NKAIN2: variants seen among roughly 807,000 people sequenced by gnomAD.
NKAIN2 encodes the protein sodium/potassium-transporting ATPase subunit beta-1-interacting protein 2.
NKAIN2 carries 14 observed loss-of-function variants against 32.6 expected under a neutral mutation model. That is an observed-to-expected ratio of 0.43 (90% confidence interval 0.28 to 0.67). The LOEUF (loss-of-function observed/expected upper bound fraction) is 0.67. Among genes scored for constraint, NKAIN2 ranks in the 30% least tolerant of loss-of-function variants. The pLI, the probability that NKAIN2 is intolerant of heterozygous loss-of-function variation, is 0.17. For synonymous variants in NKAIN2, 80 were observed against 87.2 expected, an observed-to-expected ratio of 0.92 and a Z score of 0.46; for missense variants, 198 against 258.3, an observed-to-expected ratio of 0.77 and a Z score of 1.60.
intron 5 of NKAIN2, among the ~76,000 whole-genome samples, chr6:124,798,799 T>C (rs1013502196): frequency 1.3e-5 from 2 of 152,148 alleles, no homozygotes; most frequent in African/African-American, 4.8e-5. Flanking sequence ...AGCTCATTCA[T>C]GACCTTCCGA....
At chr6:123,978,226 T>G (rs1778730039) in intron 1 of NKAIN2, among the ~76,000 whole-genome samples, 1 of 152,138 alleles carries the variant, frequency 6.6e-6, no homozygotes, top group African/African-American at 2.4e-5. Flanking sequence ...CATGTTACAT[T>G]CAGATAAAAA....
At chr6:124,746,481 AAAT>A (rs1277122508) in intron 4 of NKAIN2, among the ~76,000 whole-genome samples, 1 of 151,876 alleles carries the variant, frequency 6.6e-6, no homozygotes, top group African/African-American at 2.4e-5. Context: ...TCAGTTATTA[AAAT>A]AATAGCAGGA....
intron 3 of NKAIN2, among the ~76,000 whole-genome samples, chr6:124,548,923 G>A (rs950446279): frequency 6.6e-6 from 1 of 152,188 alleles, no homozygotes; most frequent in Non-Finnish European, 1.5e-5. Flanking sequence ...AACTGAAACT[G>A]ATTGGTGACA....
chr6:124,426,836 G>T (rs529377604), intron 3 of NKAIN2, among the ~76,000 whole-genome samples: 8 of 152,216 alleles, frequency 5.3e-5, no homozygotes, highest in African/African-American at 1.9e-4. Flanking sequence ...TAAGTCTCAC[G>T]AGATCTGATG....
intron 1 of NKAIN2, among the ~76,000 whole-genome samples, chr6:123,823,740 T>A (rs1774021914): frequency 6.6e-6 from 1 of 151,974 alleles, no homozygotes; most frequent in Non-Finnish European, 1.5e-5. Context: ...TGGAGAAGGA[T>A]CAGGTAGTGC....
At chr6:124,750,617 C>A (rs1260878319) in intron 4 of NKAIN2, among the ~76,000 whole-genome samples, 1 of 151,636 alleles carries the variant, frequency 6.6e-6, no homozygotes, top group Non-Finnish European at 1.5e-5. Flanking sequence ...TTAAATATAC[C>A]AGTTGTGTAA....
chr6:124,623,238 A>G (rs1388381949), intron 3 of NKAIN2, among the ~76,000 whole-genome samples: 3 of 152,178 alleles, frequency 2.0e-5, no homozygotes, highest in Non-Finnish European at 4.4e-5. Flanking sequence ...TATCTTAAAT[A>G]TATTTTAAGT....
In NKAIN2 at chr6:123,897,846, G is replaced by A. The variant is rs1213979095; in HGVS notation, c.54+93592G>A. On this transcript the variant is annotated intron_variant, in intron 1 of 6. Transcript: ENST00000368417. ...CTGGCTGTACTACACTGAGCTGGTC[G>A]GGTTTCTGTGACATATCTACCTGGG... 2.6e-5 allele frequency among the ~76,000 whole-genome samples: 4 copies of A among 152,188 alleles called. No individual in the cohort carries two copies. The South Asian group carries it at 8.3e-4, about 32-fold the overall frequency.
intron 2 of NKAIN2, among the ~76,000 whole-genome samples, chr6:124,344,561 TGGA>T (rs1798305761): frequency 6.6e-6 from 1 of 151,750 alleles, no homozygotes; most frequent in Non-Finnish European, 1.5e-5. Context: ...CCTTGTAAGT[TGGA>T]TTCCTAAGTA....
At chr6:124,768,482 G>T (rs1583827469) in intron 4 of NKAIN2, among the ~76,000 whole-genome samples, 1 of 152,194 alleles carries the variant, frequency 6.6e-6, no homozygotes, top group East Asian at 1.9e-4. Context: ...ATATCCTTCT[G>T]CTATTTGAGA....
chr6:124,404,286 G>T (rs114483414), intron 3 of NKAIN2, among the ~76,000 whole-genome samples: 1 of 152,024 alleles, frequency 6.6e-6, no homozygotes, highest in Non-Finnish European at 1.5e-5. Context: ...AGGGGGAGTC[G>T]TCTCAGGTCC....
intron 1 of NKAIN2, among the ~76,000 whole-genome samples, chr6:124,144,241 A>AT (rs1187230846): frequency 3.3e-5 from 5 of 152,156 alleles, no homozygotes. Flanking sequence ...AAGAAGGGAG[A>AT]TTTTGTCCTA....
intron 2 of NKAIN2, among the ~76,000 whole-genome samples, chr6:124,344,736 A>C (rs981212955): frequency 7.9e-5 from 12 of 152,270 alleles, no homozygotes; most frequent in African/African-American, 2.9e-4. Context: ...TTTTGGGCTG[A>C]GACAATGGGG....
At chr6:124,322,820 G>C (rs763908452) in intron 2 of NKAIN2, among the ~76,000 whole-genome samples, 15 of 152,122 alleles carry the variant, frequency 9.9e-5, no homozygotes, top group Non-Finnish European at 2.1e-4. Flanking sequence ...GCTTTTCTTT[G>C]AGTTGTGTTA....
At chr6:124,440,036 G>A (rs1186161250) in intron 3 of NKAIN2, among the ~76,000 whole-genome samples, 1 of 152,056 alleles carries the variant, frequency 6.6e-6, no homozygotes, top group East Asian at 1.9e-4. Context: ...CTCAGGCTGG[G>A]ATGGCCCTTC....
chr6:124,081,013 T>C (rs1783945543), intron 1 of NKAIN2, among the ~76,000 whole-genome samples: 1 of 152,170 alleles, frequency 6.6e-6, no homozygotes, highest in Admixed American at 6.5e-5. Flanking sequence ...AACATTTATT[T>C]ATTCATTGGC....
At chr6:124,021,068 A>T (rs6912832) in intron 1 of NKAIN2, among the ~76,000 whole-genome samples, 7,618 of 152,148 alleles carry the variant, frequency 0.05, 649 homozygotes, top group African/African-American at 0.17. Context: ...AGTAAAATTG[A>T]GTAAAAGCAC....
intron 1 of NKAIN2, among the ~76,000 whole-genome samples, chr6:124,102,622 T>G (rs1784942505): frequency 6.6e-6 from 1 of 152,184 alleles, no homozygotes; most frequent in Non-Finnish European, 1.5e-5. Flanking sequence ...TCAAATGAAG[T>G]ATGTGGCTCT....
chr6:124,533,192 G>A (rs1779588520), intron 3 of NKAIN2, among the ~76,000 whole-genome samples: 1 of 152,180 alleles, frequency 6.6e-6, no homozygotes, highest in African/African-American at 2.4e-5. Context: ...GGAAGAGGCA[G>A]GAGCCTCCTA....
Sources: allele counts gnomAD v4.1 joint callset (sites outside exome capture counted in the v4.1 genomes callset), GRCh38; gene constraint gnomAD v4.1.1; transcripts MANE v1.5; gene names NCBI Gene and HGNC (gene_info 2026-07-23, HGNC 2026-07-21).